The following RNLS variants were observed in gnomAD, a reference collection of about 807,000 sequenced individuals.
RNLS encodes the protein renalase, FAD dependent amine oxidase.
Under a neutral mutation model 39.8 loss-of-function variants are expected in RNLS, and 39 were observed. That is an observed-to-expected ratio of 0.98 (90% CI 0.76 to 1.28). The LOEUF is 1.28. Ranked by LOEUF, RNLS falls within the 50% of genes most tolerant of loss-of-function variation. RNLS has a pLI of 0.00. For missense variants in RNLS, 410 were observed against 413.3 expected (o/e 0.99, Z 0.07); for synonymous variants, 147 against 150.7 (o/e 0.98, Z 0.18).
chr10:88,369,372 T>G (rs932471669), intron 4 of RNLS, among the ~76,000 whole-genome samples: 3 of 152,112 alleles, frequency 2.0e-5, no homozygotes, highest in Non-Finnish European at 4.4e-5. Flanking sequence ...TCTGGAAGGT[T>G]TTGGTCAATT....
intron 4 of RNLS, among the ~76,000 whole-genome samples, chr10:88,459,714 T>C (rs185986883): frequency 6.6e-6 from 1 of 152,286 alleles, no homozygotes; most frequent in East Asian, 1.9e-4. Flanking sequence ...CGACGGACAA[T>C]GTGATGCTCC....
At chr10:88,578,420 C>T (rs2134481967) in intron 3 of RNLS, among the ~76,000 whole-genome samples, 1 of 151,944 alleles carries the variant, frequency 6.6e-6, no homozygotes, top group East Asian at 1.9e-4. Context: ...TTTTGTGGAC[C>T]ATTTATAGAA....
intron 5 of RNLS, chr10:88,343,418 C>A (rs1176861255): frequency 3.4e-6 from 2 of 580,292 alleles, no homozygotes; most frequent in East Asian, 2.9e-4. Context: ...GCTCCATTTT[C>A]AAAAATGGGA....
chr10:88,570,967 T>TG (rs1849786066), intron 4 of RNLS, among the ~76,000 whole-genome samples: 1 of 112,168 alleles, frequency 8.9e-6, no homozygotes, highest in Admixed American at 9.1e-5. Flanking sequence ...TATATTCTTT[T>TG]TTTTTTTTTT....
intron 4 of RNLS, among the ~76,000 whole-genome samples, chr10:88,466,850 T>C (rs1843237142): frequency 6.6e-6 from 1 of 152,162 alleles, no homozygotes; most frequent in Non-Finnish European, 1.5e-5. Flanking sequence ...TTGAGCACAG[T>C]GGATGCTTCA....
intron 5 of RNLS, among the ~76,000 whole-genome samples, chr10:88,354,842 C>T (rs1242802069): frequency 5.9e-5 from 9 of 152,238 alleles, no homozygotes; most frequent in Non-Finnish European, 1.2e-4. Flanking sequence ...CCTTCACTTT[C>T]GGGTACACCA....
the RNLS span, among the ~76,000 whole-genome samples, chr10:88,218,545 G>A: frequency 2.0e-5 from 3 of 152,164 alleles, no homozygotes; most frequent in South Asian, 2.1e-4. Context: ...GGGACAGCTT[G>A]GACGGCTGGC....
chr10:88,217,295 T>C, the RNLS span, among the ~76,000 whole-genome samples: 1 of 152,202 alleles, frequency 6.6e-6, no homozygotes, highest in African/African-American at 2.4e-5. Flanking sequence ...CTCAGTTAAT[T>C]AGAGGTCTTC....
chr10:88,323,686 T>C (rs748163441), intron 5 of RNLS, among the ~76,000 whole-genome samples: 8 of 152,152 alleles, frequency 5.3e-5, no homozygotes, highest in Non-Finnish European at 1.0e-4. Flanking sequence ...CTTTGGACGT[T>C]GGCATATTCA....
At chr10:88,541,186 T>C (rs1327169972) in intron 4 of RNLS, among the ~76,000 whole-genome samples, 13 of 152,310 alleles carry the variant, frequency 8.5e-5, no homozygotes, top group East Asian at 7.7e-4. Flanking sequence ...CATAAATCAA[T>C]ATAAAAACTG....
chr10:88,537,981 G>A (rs1339646480), intron 4 of RNLS, among the ~76,000 whole-genome samples: 2 of 152,116 alleles, frequency 1.3e-5, no homozygotes, highest in Non-Finnish European at 2.9e-5. Flanking sequence ...GAGAAAAAAA[G>A]AATAATGCCT....
chr10:88,405,444 T>C (rs768469337), intron 4 of RNLS, among the ~76,000 whole-genome samples: 2 of 152,150 alleles, frequency 1.3e-5, no homozygotes, highest in African/African-American at 4.8e-5. Flanking sequence ...TTTACCATTA[T>C]ATAATGTCCA....
At chr10:88,210,755 A>G in the RNLS span, among the ~76,000 whole-genome samples, 3 of 152,092 alleles carry the variant, frequency 2.0e-5, no homozygotes, top group South Asian at 2.1e-4. Flanking sequence ...TTCCTATTCA[A>G]CTGTGAATCT....
At chr10:88,295,752 TGATCCATGTA>T (rs1844047500) in intron 6 of RNLS, among the ~76,000 whole-genome samples, 1 of 152,212 alleles carries the variant, frequency 6.6e-6, no homozygotes, top group Non-Finnish European at 1.5e-5. Flanking sequence ...ATCAATTATA[TGATCCATGTA>T]GCAGCTTTAG....
Position 88,549,399 on chromosome 10 carries a change from T to TA in RNLS, c.526+23503dup, listed in dbSNP as rs79316818. On this transcript the variant is annotated intron_variant, in intron 4 of 6. Coordinates refer to ENST00000331772, the MANE Select transcript of RNLS (RefSeq NM_001031709.3). ...GCAAAACCCTGTCCCTACAAAAAAT[T>TA]AAAAAAAAAAAAAACAAGTTGTCAG... 7.7e-3 allele frequency among the ~76,000 whole-genome samples: 1,054 copies of TA among 136,390 alleles called. 6 individuals are homozygous for TA. The highest frequency in any genetic ancestry group is 0.034 in the Middle Eastern group (9 of 268). The allele number at this position is 136,390 out of a possible 152,430, so 89.5% of individuals were successfully genotyped here.
chr10:88,180,440 T>C, the RNLS span, among the ~76,000 whole-genome samples: 10 of 152,188 alleles, frequency 6.6e-5, no homozygotes, highest in Admixed American at 3.3e-4. Context: ...AGAACTAGAA[T>C]TGGGTTCAGT....
At chr10:88,542,367 A>T (rs536118170) in intron 4 of RNLS, among the ~76,000 whole-genome samples, 15 of 149,884 alleles carry the variant, frequency 1.0e-4, no homozygotes, top group African/African-American at 3.1e-4. Flanking sequence ...ACTCTCATTA[A>T]GTGCACTTGA....
At chr10:88,537,246 A>C (rs1443683217) in intron 4 of RNLS, among the ~76,000 whole-genome samples, 1 of 152,224 alleles carries the variant, frequency 6.6e-6, no homozygotes, top group Non-Finnish European at 1.5e-5. Flanking sequence ...CTATCAACTC[A>C]ATACAGTAAC....
the RNLS span, among the ~76,000 whole-genome samples, chr10:88,264,960 T>C: frequency 6.6e-6 from 1 of 152,368 alleles, no homozygotes; most frequent in South Asian, 2.1e-4. Context: ...AGAATTTTTA[T>C]GGCTTCAGGT....
Sources: allele counts gnomAD v4.1 joint callset (sites outside exome capture counted in the v4.1 genomes callset), GRCh38; gene constraint gnomAD v4.1.1; transcripts MANE v1.5; gene names NCBI Gene and HGNC (gene_info 2026-07-23, HGNC 2026-07-21).